The following NAV3 variants were observed in gnomAD, a reference collection of about 807,000 sequenced individuals.
NAV3 encodes the protein pore membrane and/or filament interacting like protein 1.
In NAV3, 87 loss-of-function variants were observed where a neutral mutation model predicts 244.7. That is an observed-to-expected ratio of 0.36 (90% CI 0.30 to 0.42). The LOEUF (loss-of-function observed/expected upper bound fraction) is 0.42, where lower values mean the gene tolerates loss of function less well. Ranked by LOEUF, NAV3 falls within the 20% of genes least tolerant of loss-of-function variation. NAV3 has a pLI of 1.00. For synonymous variants in NAV3, 1,126 were observed against 1,042.2 expected (o/e 1.08, Z -1.55); for missense variants, 2,663 against 2,893.3 (o/e 0.92, Z 1.83).
intron 2 of NAV3, among the ~76,000 whole-genome samples, chr12:77,737,448 G>C (rs1877383739): frequency 6.6e-6 from 1 of 151,808 alleles, no homozygotes; most frequent in South Asian, 2.1e-4. Context: ...CAAGCTCCTA[G>C]GTGCTGCTTT....
intron 3 of NAV3, among the ~76,000 whole-genome samples, chr12:77,954,853 ACTAT>A (rs1891219358): frequency 6.6e-6 from 1 of 152,206 alleles, no homozygotes; most frequent in African/African-American, 2.4e-5. Context: ...AATTTTTATT[ACTAT>A]CTGTTAATAA....
chr12:77,899,806 C>T (rs1019967504), intron 1 of NAV3, among the ~76,000 whole-genome samples: 8 of 152,146 alleles, frequency 5.3e-5, no homozygotes, highest in African/African-American at 1.9e-4. Flanking sequence ...CTATGAGAAA[C>T]CCATCATTTA....
intron 5 of NAV3, among the ~76,000 whole-genome samples, chr12:77,979,778 A>G (rs903960304): frequency 6.6e-6 from 1 of 151,530 alleles, no homozygotes; most frequent in Non-Finnish European, 1.5e-5. Context: ...CACCCATCAG[A>G]GATGTTTTGT....
chr12:77,912,725 G>A (rs1161815884), intron 1 of NAV3, among the ~76,000 whole-genome samples: 1 of 151,980 alleles, frequency 6.6e-6, no homozygotes, highest in Admixed American at 6.6e-5. Flanking sequence ...CTGCCTCCCG[G>A]GTTCAAGCAT....
chr12:77,943,395 G>A (rs1382638), intron 3 of NAV3, among the ~76,000 whole-genome samples: 73,346 of 151,906 alleles, frequency 0.48, 18,566 homozygotes, highest in South Asian at 0.64. Context: ...GACTAAGAAT[G>A]ACTTAGATCC....
intron 2 of NAV3, among the ~76,000 whole-genome samples, chr12:77,629,951 A>G (rs1298863735): frequency 2.0e-5 from 3 of 152,162 alleles, no homozygotes; most frequent in African/African-American, 4.8e-5. Context: ...CAAAATTTCT[A>G]TTATGGCATA....
At chr12:78,045,776 C>G (rs576694660) in intron 9 of NAV3, among the ~76,000 whole-genome samples, 1 of 152,214 alleles carries the variant, frequency 6.6e-6, no homozygotes, top group East Asian at 1.9e-4. Context: ...CCCTCTTTTT[C>G]TATTGATTGG....
At chr12:77,981,651 T>C (rs1869581163) in intron 5 of NAV3, among the ~76,000 whole-genome samples, 1 of 152,018 alleles carries the variant, frequency 6.6e-6, no homozygotes, top group African/African-American at 2.4e-5. Flanking sequence ...TTCAGTGAAT[T>C]TGAAAGGAAA....
At chr12:77,937,078 A>G (rs532847438) in intron 1 of NAV3, among the ~76,000 whole-genome samples, 1 of 152,232 alleles carries the variant, frequency 6.6e-6, no homozygotes, top group East Asian at 1.9e-4. Context: ...GGAGGGTCTC[A>G]AGTATCTTTT....
intron 13 of NAV3, among the ~76,000 whole-genome samples, chr12:78,117,491 G>A (rs1593654521): frequency 6.8e-6 from 1 of 146,116 alleles, no homozygotes; most frequent in African/African-American, 2.5e-5. Flanking sequence ...AATATATAAT[G>A]TATAATTCTA....
intron 2 of NAV3, among the ~76,000 whole-genome samples, chr12:77,597,269 G>C (rs711110): frequency 0.36 from 55,415 of 151,902 alleles, 10,744 homozygotes; most frequent in Middle Eastern, 0.47. Flanking sequence ...TTGCTCACTT[G>C]TCTGTATTCC....
At chr12:77,766,737 T>TTTTG (rs1869783613) in intron 2 of NAV3, among the ~76,000 whole-genome samples, 2 of 18,492 alleles carry the variant, frequency 1.1e-4, no homozygotes, top group African/African-American at 5.1e-4. Flanking sequence ...GCAATTAAGT[T>TTTTG]TTTTTTTTTT....
intron 33 of NAV3, 145 bp downstream of exon 33, chr12:78,188,922 A>G (rs1206807857): frequency 4.7e-6 from 3 of 636,980 alleles, no homozygotes; most frequent in Non-Finnish European, 7.8e-6. Context: ...GACTCATTTC[A>G]TACCAAAACT....
chr12:77,804,133 G>T (rs1871850503), intron 2 of NAV3, among the ~76,000 whole-genome samples: 1 of 152,116 alleles, frequency 6.6e-6, no homozygotes, highest in Non-Finnish European at 1.5e-5. Context: ...TGTTTGTTTT[G>T]CTGTGCAGAA....
At chr12:78,160,690 G>A (rs868857797) in intron 23 of NAV3, among the ~76,000 whole-genome samples, 1 of 151,876 alleles carries the variant, frequency 6.6e-6, no homozygotes, top group African/African-American at 2.4e-5. Context: ...AGAGTAAATC[G>A]AATATTCTTA....
At chr12:78,001,978 C>T (rs1022193911) in intron 7 of NAV3, among the ~76,000 whole-genome samples, 1 of 152,158 alleles carries the variant, frequency 6.6e-6, no homozygotes, top group Admixed American at 6.5e-5. Context: ...TATGAGAGTA[C>T]TCTAGACAGA....
At chr12:78,130,424 G>C (rs1448757) in intron 18 of NAV3, 138,451 of 218,452 alleles carry the variant, frequency 0.63, 44,438 homozygotes, top group African/African-American at 0.72. Context: ...TTCTTTTTCT[G>C]CATGCTCGGG....
At chr12:77,829,191 C>G (rs2222333), upstream of NAV3, among the ~76,000 whole-genome samples, 798 of 152,366 alleles carry the variant, frequency 5.2e-3, 10 homozygotes, top group African/African-American at 0.018. Context: ...TGCCCTGACC[C>G]TGTACCCATT....
At chr12:77,830,878 C>A (rs897968744), upstream of NAV3, 1 of 152,116 alleles carries the variant, frequency 6.6e-6, no homozygotes, top group African/African-American at 2.4e-5. Context: ...AAAGAGAATG[C>A]AGGCTGGCTA....
Sources: gnomAD v4.1 joint callset for allele counts (sites outside exome capture counted in the v4.1 genomes callset) on GRCh38, gnomAD v4.1.1 for gene constraint, MANE v1.5 for transcripts, NCBI Gene and HGNC (gene_info 2026-07-23, HGNC 2026-07-21) for gene names.